Variants in IL1RAPL2 observed in about 807,000 individuals in gnomAD.
IL1RAPL2 encodes the protein X-linked interleukin-1 receptor accessory protein-like 2.
Under a neutral mutation model 44.1 loss-of-function variants are expected in IL1RAPL2, and 3 were observed. That is an observed-to-expected ratio of 0.07 (90% CI 0.03 to 0.18). IL1RAPL2 has a LOEUF of 0.18. Ranked by LOEUF, IL1RAPL2 falls within the 10% of genes least tolerant of loss-of-function variation. The pLI is 1.00. For missense variants in IL1RAPL2, 391 were observed against 496.4 expected (o/e 0.79, Z 2.02); for synonymous variants, 181 against 178.8 (o/e 1.01, Z -0.10).
intron 6 of IL1RAPL2, among the ~76,000 whole-genome samples, chrX:105,710,691 A>G (rs1812014872): frequency 9.1e-6 from 1 of 110,005 alleles, no homozygotes; most frequent in Non-Finnish European, 1.9e-5. Flanking sequence ...CTGTAAAACA[A>G]CATCAAAGCT....
intron 1 of IL1RAPL2, among the ~76,000 whole-genome samples, chrX:104,618,619 G>A (rs1323484292): frequency 9.0e-6 from 1 of 111,428 alleles, no homozygotes; most frequent in Non-Finnish European, 1.9e-5. Context: ...AGGGGTGGGG[G>A]TGACTCAGGC....
At chrX:105,524,008 A>G (rs1254452834) in intron 6 of IL1RAPL2, among the ~76,000 whole-genome samples, 5 of 111,549 alleles carry the variant, frequency 4.5e-5, no homozygotes, top group African/African-American at 1.6e-4. Flanking sequence ...AATCTTACCT[A>G]ATCAGATAAT....
intron 6 of IL1RAPL2, among the ~76,000 whole-genome samples, chrX:105,512,821 A>T (rs746351849): frequency 3.6e-5 from 4 of 111,089 alleles, no homozygotes; most frequent in Non-Finnish European, 7.5e-5. Flanking sequence ...CAGAACATGC[A>T]GTTTTTTTTA....
intron 2 of IL1RAPL2, among the ~76,000 whole-genome samples, chrX:105,001,810 A>G (rs1419304656): frequency 9.0e-6 from 1 of 111,243 alleles, no homozygotes; most frequent in Non-Finnish European, 1.9e-5. Flanking sequence ...TGACAAGGAC[A>G]TGGTAAAGGG....
intron 6 of IL1RAPL2, among the ~76,000 whole-genome samples, chrX:105,714,429 T>C (rs1362349729): frequency 2.7e-5 from 3 of 111,876 alleles, no homozygotes; most frequent in Non-Finnish European, 5.6e-5. Flanking sequence ...CCACTCTCGG[T>C]ACCAATTTTT....
At chrX:105,605,414 TA>T (rs775250380) in intron 6 of IL1RAPL2, among the ~76,000 whole-genome samples, 1 of 111,249 alleles carries the variant, frequency 9.0e-6, no homozygotes, top group East Asian at 2.8e-4. Context: ...TTCTCTGCAA[TA>T]AAACCTTCAA....
intron 2 of IL1RAPL2, among the ~76,000 whole-genome samples, chrX:104,698,863 G>A (rs1210224253): frequency 9.0e-6 from 1 of 111,678 alleles, no homozygotes; most frequent in Non-Finnish European, 1.9e-5. Context: ...CAGGAAGAGA[G>A]GTATATTAGT....
At chrX:105,182,308 G>T (rs1335616305) in intron 2 of IL1RAPL2, among the ~76,000 whole-genome samples, 1 of 110,631 alleles carries the variant, frequency 9.0e-6, no homozygotes, top group Non-Finnish European at 1.9e-5. Flanking sequence ...GTATATCTGG[G>T]TGCTCTGGTG....
At position 105,748,344 on chromosome X, in the gene IL1RAPL2, T is replaced by C. The variant is rs187814585; in HGVS notation, c.1049-616T>C. On this transcript the variant is annotated intron_variant, in intron 8 of 10. Coordinates refer to ENST00000372582, the MANE Select transcript of IL1RAPL2 (RefSeq NM_017416.2). ...GATTTCTCATTCTGTTTTAGCTCCA[T>C]TGGGCATATTATATCACATATATAT... Among the ~76,000 whole-genome samples, 236 of 112,152 alleles carry C rather than the reference T, an allele frequency of 2.1e-3. 1 individual carries two copies. Among genetic ancestry groups the C allele is most frequent in the African/African-American group, 7.1e-3 (220 of 30,943 alleles).
chrX:105,542,736 A>ATT (rs1193979046), intron 6 of IL1RAPL2, among the ~76,000 whole-genome samples: 2 of 49,029 alleles, frequency 4.1e-5, no homozygotes, highest in African/African-American at 1.2e-4. Context: ...TATTTAATTT[A>ATT]TTATTTTTTT....
intron 2 of IL1RAPL2, among the ~76,000 whole-genome samples, chrX:104,947,236 G>A (rs775369980): frequency 0.017 from 1,850 of 110,048 alleles, 46 homozygotes; most frequent in African/African-American, 0.057. Flanking sequence ...GTCTGTTCCT[G>A]TCCTTCGCCC....
At chrX:104,788,658 T>G (rs5917145) in intron 2 of IL1RAPL2, among the ~76,000 whole-genome samples, 39,478 of 110,582 alleles carry the variant, frequency 0.36, 5,691 homozygotes, top group East Asian at 0.47. Context: ...TCATTTTGGT[T>G]TTGAAGTAAA....
intron 2 of IL1RAPL2, among the ~76,000 whole-genome samples, chrX:105,153,107 G>A (rs2033241449): frequency 9.0e-6 from 1 of 111,672 alleles, no homozygotes; most frequent in Admixed American, 9.5e-5. Flanking sequence ...TGACGTGTGT[G>A]TGTTAGTTCT....
At chrX:105,414,128 T>C in intron 5 of IL1RAPL2, among the ~76,000 whole-genome samples, 1 of 108,015 alleles carries the variant, frequency 9.3e-6, no homozygotes, top group African/African-American at 3.7e-5. Context: ...TAAGACACTA[T>C]CATTTTCTTT....
intron 2 of IL1RAPL2, among the ~76,000 whole-genome samples, chrX:104,662,897 G>A (rs1453286467): frequency 9.0e-6 from 1 of 111,350 alleles, no homozygotes; most frequent in Admixed American, 9.6e-5. Flanking sequence ...ACCCAAATTG[G>A]GTCATCTTAC....
intron 6 of IL1RAPL2, among the ~76,000 whole-genome samples, chrX:105,636,743 A>AT (rs2037526522): frequency 8.9e-6 from 1 of 112,009 alleles, no homozygotes; most frequent in South Asian, 3.7e-4. Context: ...GCTGTGATTG[A>AT]GGTAAAAACC....
At chrX:105,116,225 G>A (rs926009970) in intron 2 of IL1RAPL2, among the ~76,000 whole-genome samples, 3 of 112,723 alleles carry the variant, frequency 2.7e-5, no homozygotes, top group Non-Finnish European at 5.6e-5. Context: ...AGGAGGCACC[G>A]AGAGTGAGCA....
chrX:105,341,647 G>A (rs988528573), intron 5 of IL1RAPL2, among the ~76,000 whole-genome samples: 7 of 111,926 alleles, frequency 6.3e-5, no homozygotes, highest in Non-Finnish European at 1.3e-4. Flanking sequence ...ATTAAGAATT[G>A]ATGGCCAGGT....
At chrX:105,561,846 G>A (rs762986723) in intron 6 of IL1RAPL2, among the ~76,000 whole-genome samples, 5 of 111,901 alleles carry the variant, frequency 4.5e-5, no homozygotes, top group African/African-American at 1.3e-4. Flanking sequence ...TGTGGACAGT[G>A]CAGGGTTTTG....
Sources: gnomAD v4.1 joint callset for allele counts (sites outside exome capture counted in the v4.1 genomes callset) on GRCh38, gnomAD v4.1.1 for gene constraint, MANE v1.5 for transcripts, NCBI Gene and HGNC (gene_info 2026-07-23, HGNC 2026-07-21) for gene names.